ANO3: variants seen among roughly 807,000 people sequenced by gnomAD.
The protein encoded by ANO3 is anoctamin 3.
ANO3 carries 99 observed loss-of-function variants against 144.8 expected under a neutral mutation model. The ratio of observed to expected loss-of-function variants is 0.68; its 90% CI spans 0.58 to 0.81. ANO3 has a LOEUF of 0.81. Ranked by LOEUF, ANO3 falls within the 30% of genes least tolerant of loss-of-function variation. The pLI, the probability that ANO3 is intolerant of heterozygous loss-of-function variation, is 0.00. For synonymous variants in ANO3, 414 were observed against 392.6 expected (o/e 1.05, Z -0.64); for missense variants, 905 against 1,202.2 (o/e 0.75, Z 3.66).
At chr11:26,537,240 G>T (rs79518547) in intron 9 of ANO3, among the ~76,000 whole-genome samples, 166 bp from the exon 10 acceptor site, 43 of 152,172 alleles carry the variant, frequency 2.8e-4, no homozygotes, top group African/African-American at 1.0e-3. Flanking sequence ...GCAGTATCAG[G>T]TTTCTTTCAC....
At chr11:26,349,055 T>G (rs985920642) in intron 1 of ANO3, among the ~76,000 whole-genome samples, 1 of 152,208 alleles carries the variant, frequency 6.6e-6, no homozygotes, top group African/African-American at 2.4e-5. Flanking sequence ...TATGAGACTC[T>G]TTGAAAGAAA....
rs532442460 is a variant in ANO3 at position 26,569,008 on chromosome 11, G to C, written c.1447+9229G>C. Among the ~76,000 whole-genome samples the C allele has an allele frequency of 4.6e-5, 7 of 151,832 alleles. No homozygotes were observed. The South Asian group carries it at 1.5e-3, about 32-fold the overall frequency. ...TCTTCCTAATAAAGTGGTCACCAGT[G>C]GGGGGAAAAATGTCCTTAGCTGTTC... On this transcript the variant is annotated intron_variant, in intron 14 of 26. Coordinates refer to ENST00000256737, the MANE Select transcript of ANO3 (RefSeq NM_031418.4).
intron 3 of ANO3, among the ~76,000 whole-genome samples, chr11:26,451,934 A>T (rs1858958699): frequency 6.6e-6 from 1 of 151,868 alleles, no homozygotes; most frequent in African/African-American, 2.4e-5. Flanking sequence ...TTCACGAAAA[A>T]CCACTGTTCT....
At chr11:26,473,254 A>G (rs1859845494) in intron 4 of ANO3, among the ~76,000 whole-genome samples, 1 of 151,974 alleles carries the variant, frequency 6.6e-6, no homozygotes, top group Admixed American at 6.6e-5. Context: ...AAGCTGCCCT[A>G]CAGAGGCATT....
chr11:26,240,282 A>T (rs775649303), intron 1 of ANO3, among the ~76,000 whole-genome samples: 9 of 152,180 alleles, frequency 5.9e-5, no homozygotes, highest in Non-Finnish European at 1.3e-4. Flanking sequence ...TGCATATGAT[A>T]TAAAGAACAT....
At position 26,513,681 on chromosome 11, in the gene ANO3, C is replaced by A. The variant is rs564241654; in HGVS notation, c.592-3146C>A. Reference sequence around the variant, plus strand: ...AGGCCCAGCTCCTGAAAAATTATTTCTTGTCCCAAGATCTATCCATTCCAC... The same window carrying A: ...AGGCCCAGCTCCTGAAAAATTATTTATTGTCCCAAGATCTATCCATTCCAC... On this transcript the variant is annotated intron_variant, in intron 5 of 26. Transcript: ENST00000256737. Among the ~76,000 whole-genome samples, 183 of 152,258 alleles carry A rather than the reference C, an allele frequency of 1.2e-3. 1 individual carries two copies. Among genetic ancestry groups the A allele is most frequent in the African/African-American group, 4.2e-3 (175 of 41,560 alleles).
rs915745298 is a variant in ANO3 at position 26,535,462 on chromosome 11, G to A, written c.976+900G>A. Among the ~76,000 whole-genome samples the A allele has an allele frequency of 5.3e-5, 8 of 151,148 alleles. No individual in the cohort carries two copies. The South Asian group carries it at 1.5e-3, about 28-fold the overall frequency. On this transcript the variant is annotated intron_variant, in intron 9 of 26. Coordinates refer to ENST00000256737, the MANE Select transcript of ANO3 (RefSeq NM_031418.4). Reference sequence around the variant, plus strand: ...ATCAAATGTTAGTCATATCCTAAAAGCCTTGAAAATAAAAAGTTGACAGCC... The same window carrying A: ...ATCAAATGTTAGTCATATCCTAAAAACCTTGAAAATAAAAAGTTGACAGCC...
intron 1 of ANO3, among the ~76,000 whole-genome samples, chr11:26,212,126 G>A (rs1211218852): frequency 6.6e-6 from 1 of 152,010 alleles, no homozygotes; most frequent in Non-Finnish European, 1.5e-5. Flanking sequence ...GTTGATGGGT[G>A]CAGCAAACCA....
chr11:26,331,924 T>C, upstream of ANO3: 1 of 402,172 alleles, frequency 2.5e-6, no homozygotes. Flanking sequence ...GTATCAGCTC[T>C]AGAGGTTTGC....
chr11:26,522,055 G>A (rs1212829663), intron 6 of ANO3, among the ~76,000 whole-genome samples: 2 of 151,966 alleles, frequency 1.3e-5, no homozygotes, highest in Non-Finnish European at 2.9e-5. Context: ...GTAGTGGCGG[G>A]CGCCTGTAGT....
intron 14 of ANO3, among the ~76,000 whole-genome samples, chr11:26,576,315 A>G (rs293986): frequency 0.92 from 139,931 of 152,178 alleles, 64,721 homozygotes; most frequent in South Asian, 0.98. Context: ...AATAGATAAA[A>G]TAATTGTGTG....
At chr11:26,243,443 GC>G (rs1852706719) in intron 1 of ANO3, among the ~76,000 whole-genome samples, 1 of 150,810 alleles carries the variant, frequency 6.6e-6, no homozygotes. Flanking sequence ...TTTACAAAGA[GC>G]AAAAGAGAGC....
At chr11:26,441,838 G>T in intron 1 of ANO3, 80 bp from the exon 2 acceptor site, 1 of 957,476 alleles carries the variant, frequency 1.0e-6, no homozygotes, top group South Asian at 1.6e-5. Context: ...CCTGAAACAG[G>T]TATCACAAGA....
At chr11:26,459,584 A>C (rs1274405191) in intron 3 of ANO3, among the ~76,000 whole-genome samples, 1 of 152,036 alleles carries the variant, frequency 6.6e-6, no homozygotes, top group African/African-American at 2.4e-5. Context: ...AAAAGTGGGA[A>C]AAAATGTACA....
upstream of ANO3, among the ~76,000 whole-genome samples, chr11:26,328,565 G>A (rs925774388): frequency 3.3e-5 from 5 of 152,118 alleles, no homozygotes; most frequent in Admixed American, 6.6e-5. Flanking sequence ...AAATTCAAAG[G>A]AATAAAAAGT....
chr11:26,487,728 G>C (rs776139553), intron 4 of ANO3, among the ~76,000 whole-genome samples: 3 of 152,166 alleles, frequency 2.0e-5, no homozygotes, highest in Non-Finnish European at 2.9e-5. Context: ...CTCCTGTTAC[G>C]TCACCAAAGA....
At chr11:26,248,878 A>C in intron 1 of ANO3, among the ~76,000 whole-genome samples, 1 of 152,292 alleles carries the variant, frequency 6.6e-6, no homozygotes, top group Middle Eastern at 3.4e-3. Flanking sequence ...CTCCTGTCAG[A>C]TCACATTATA....
intron 1 of ANO3, among the ~76,000 whole-genome samples, chr11:26,198,572 G>A (rs1851633416): frequency 6.6e-6 from 1 of 152,160 alleles, no homozygotes; most frequent in Non-Finnish European, 1.5e-5. Context: ...GGCATTCCTG[G>A]AGAATGAAAT....
chr11:26,425,533 A>G (rs1857894527), intron 1 of ANO3, among the ~76,000 whole-genome samples: 3 of 152,250 alleles, frequency 2.0e-5, no homozygotes, highest in Non-Finnish European at 4.4e-5. Context: ...TAAGGTAAAT[A>G]TAACTACTGA....
Sources: gnomAD v4.1 joint callset for allele counts (sites outside exome capture counted in the v4.1 genomes callset) on GRCh38, gnomAD v4.1.1 for gene constraint, MANE v1.5 for transcripts, NCBI Gene and HGNC (gene_info 2026-07-23, HGNC 2026-07-21) for gene names.